The following GSE1 variants were observed in gnomAD, a reference collection of about 807,000 sequenced individuals.
GSE1 encodes Gse1 coiled-coil protein.
In GSE1, 32 loss-of-function variants were observed where a neutral mutation model predicts 112.6. That is an observed-to-expected ratio of 0.28 (90% CI 0.21 to 0.38). The LOEUF (loss-of-function observed/expected upper bound fraction) is 0.38. Among genes scored for constraint, GSE1 ranks in the 10% least tolerant of loss-of-function variants. The probability of loss-of-function intolerance (pLI) is 1.00; values close to 1 mark genes in which losing one functional copy is unlikely to be tolerated. For missense variants in GSE1, 2,348 were observed against 1,699.2 expected (o/e 1.38, Z -6.71); for synonymous variants, 1,115 against 735.6 (o/e 1.52, Z -8.35).
intron 2 of GSE1, among the ~76,000 whole-genome samples, chr16:85,487,916 C>A (rs1969056923): frequency 6.6e-6 from 1 of 152,220 alleles, no homozygotes; most frequent in South Asian, 2.1e-4. Context: ...GGTGACCCAC[C>A]CATCACTGAT....
chr16:85,456,639 TGG>T (rs1555514129), intron 2 of GSE1, among the ~76,000 whole-genome samples: 5 of 143,254 alleles, frequency 3.5e-5, no homozygotes, highest in Admixed American at 2.2e-4. Flanking sequence ...TGTGTGTGTG[TGG>T]TCTGCCATTT....
In GSE1 at chr16:85,217,132, G is replaced by A. The variant is rs369661401; in HGVS notation, c.2283+45325G>A. Among the ~76,000 whole-genome samples, 24 of 152,368 alleles carry A rather than the reference G, an allele frequency of 1.6e-4. No individual in the cohort carries two copies. The South Asian group carries it at 3.9e-3, about 25-fold the overall frequency. ...CTGCTTCCGTTTCCCCATATGGAGC[G>A]TGGGGGTGATGAGAGTAGCGACTTC... is the stretch of plus-strand genomic sequence containing the variant. On this transcript the variant is annotated intron_variant, in intron 1 of 2. Transcript: ENST00000637419.
intron 2 of GSE1, among the ~76,000 whole-genome samples, chr16:85,442,055 G>T (rs2049388649): frequency 1.3e-5 from 2 of 152,180 alleles, no homozygotes; most frequent in Non-Finnish European, 2.9e-5. Context: ...CCACCTTGCT[G>T]GTCTCCAAAC....
rs1407197960 is a variant in GSE1 at position 85,672,123 on chromosome 16, C to T, written c.3520-282C>T. The T allele has an allele frequency of 2.3e-5, 8 of 349,192 alleles. No homozygotes were observed. The East Asian group carries it at 3.0e-4, about 13-fold the overall frequency. 21.6% of individuals were successfully genotyped at this position (349,192 alleles called of 1,614,324 possible). A position where few individuals can be genotyped will look rare whatever the true frequency, so the allele number is the denominator to read the frequency against. On this transcript the variant is annotated intron_variant, in intron 15 of 15. Coordinates refer to ENST00000253458, the MANE Select transcript of GSE1 (RefSeq NM_014615.5). ...AAGCGATTCTCCTGCCTCAGCCTCC[C>T]GAGTAGCTAGGATTACAGGTATACG...
At chr16:85,443,964 C>G (rs2049443776) in intron 2 of GSE1, among the ~76,000 whole-genome samples, 1 of 144,018 alleles carries the variant, frequency 6.9e-6, no homozygotes, top group Non-Finnish European at 1.5e-5. Flanking sequence ...CTGCCACGTT[C>G]CGGGAGACAA....
chr16:85,413,404 C>T (rs961035346), intron 2 of GSE1, among the ~76,000 whole-genome samples: 1 of 152,072 alleles, frequency 6.6e-6, no homozygotes, highest in Non-Finnish European at 1.5e-5. Flanking sequence ...TCACCATCTT[C>T]CCCAGCTGTG....
At chr16:85,508,859 CT>C (rs2051633987) in intron 2 of GSE1, among the ~76,000 whole-genome samples, 6 of 152,190 alleles carry the variant, frequency 3.9e-5, no homozygotes, top group Admixed American at 2.0e-4. Context: ...GTGTCAGGTC[CT>C]GGGGGATGTA....
chr16:85,539,548 G>A (rs2044448274), intron 2 of GSE1, among the ~76,000 whole-genome samples: 2 of 152,190 alleles, frequency 1.3e-5, no homozygotes, highest in African/African-American at 4.8e-5. Flanking sequence ...ATAACGGTGG[G>A]GGGTGCTTGT....
At chr16:85,516,225 C>A (rs1260616496) in intron 2 of GSE1, among the ~76,000 whole-genome samples, 3 of 152,080 alleles carry the variant, frequency 2.0e-5, no homozygotes, top group African/African-American at 7.2e-5. Flanking sequence ...CGGAGCTGGG[C>A]TGTGATCTGG....
At chr16:85,173,970 A>G (rs955462634) in intron 1 of GSE1, among the ~76,000 whole-genome samples, 1 of 152,220 alleles carries the variant, frequency 6.6e-6, no homozygotes, top group Non-Finnish European at 1.5e-5. Context: ...AGACGAGTCA[A>G]CCAAGACTCA....
intron 1 of GSE1, among the ~76,000 whole-genome samples, chr16:85,587,267 G>A (rs1242986045): frequency 3.3e-5 from 5 of 152,248 alleles, no homozygotes; most frequent in South Asian, 2.1e-4. Flanking sequence ...GGGAAACGGC[G>A]ATGTGGAGCC....
In GSE1 at chr16:85,567,123, C is replaced by T. The variant is rs1211457477; in HGVS notation, c.37+10760C>T. ...TCACTCACAGGCGGATTTCAACCGC[C>T]TGTGCTGTCTTTATGACAGCACTCA... is the stretch of plus-strand genomic sequence containing the variant. On this transcript the variant is annotated intron_variant, in intron 1 of 2. Transcript: ENST00000635906. 2.6e-5 allele frequency among the ~76,000 whole-genome samples: 4 copies of T among 151,434 alleles called. No homozygotes were observed. The East Asian group carries it at 8.0e-4, about 30-fold the overall frequency.
At chr16:85,300,122 C>T (rs1027745427) in intron 1 of GSE1, among the ~76,000 whole-genome samples, 1 of 152,048 alleles carries the variant, frequency 6.6e-6, no homozygotes, top group Non-Finnish European at 1.5e-5. Flanking sequence ...AGTGATTCTC[C>T]TGCCTCAGCC....
intron 2 of GSE1, among the ~76,000 whole-genome samples, chr16:85,403,806 C>A (rs2048176419): frequency 6.6e-6 from 1 of 151,982 alleles, no homozygotes; most frequent in Admixed American, 6.6e-5. Flanking sequence ...TGTCTCAAAA[C>A]AACAACAACA....
intron 1 of GSE1, among the ~76,000 whole-genome samples, chr16:85,338,235 C>G (rs762854425): frequency 3.3e-5 from 5 of 152,372 alleles, no homozygotes; most frequent in Middle Eastern, 3.4e-3. Flanking sequence ...CCCTCAGCAT[C>G]TCCAGATGCG....
At chr16:85,460,369 C>G (rs1597819685) in intron 2 of GSE1, among the ~76,000 whole-genome samples, 1 of 152,204 alleles carries the variant, frequency 6.6e-6, no homozygotes, top group East Asian at 1.9e-4. Flanking sequence ...TTTTCTTAAA[C>G]TTCCCGAATT....
upstream of GSE1, among the ~76,000 whole-genome samples, chr16:85,606,774 G>A (rs1004004123): frequency 1.3e-5 from 2 of 152,174 alleles, no homozygotes; most frequent in African/African-American, 4.8e-5. Context: ...GCTAGCAGGG[G>A]CCAACTTGTC....
At chr16:85,188,969 G>A (rs932323166) in intron 1 of GSE1, among the ~76,000 whole-genome samples, 1 of 152,122 alleles carries the variant, frequency 6.6e-6, no homozygotes, top group Non-Finnish European at 1.5e-5. Flanking sequence ...GCTTTTATCA[G>A]ACTTGCTGTG....
intron 1 of GSE1, among the ~76,000 whole-genome samples, chr16:85,303,428 CCCT>C (rs1294650930): frequency 6.6e-6 from 1 of 152,204 alleles, no homozygotes; most frequent in African/African-American, 2.4e-5. Flanking sequence ...GCCGCGCATC[CCCT>C]CCTCCTGCAG....
Sources: allele counts gnomAD v4.1 joint callset (sites outside exome capture counted in the v4.1 genomes callset), GRCh38; gene constraint gnomAD v4.1.1; transcripts MANE v1.5; gene names NCBI Gene and HGNC (gene_info 2026-07-23, HGNC 2026-07-21).